The following NCOR2 variants were observed in gnomAD, a reference collection of about 807,000 sequenced individuals.
NCOR2 encodes the protein CTG repeat protein 26.
NCOR2 carries 81 observed loss-of-function variants against 262.9 expected under a neutral mutation model. The observed-to-expected ratio is 0.31, with a 90% confidence interval of 0.26 to 0.37. The LOEUF (loss-of-function observed/expected upper bound fraction) is 0.37, where lower values mean the gene tolerates loss of function less well. Among genes scored for constraint, NCOR2 ranks in the 10% least tolerant of loss-of-function variants. The probability of loss-of-function intolerance (pLI) is 1.00; values close to 1 mark genes in which losing one functional copy is unlikely to be tolerated. For synonymous variants in NCOR2, 1,659 were observed against 1,559.3 expected, an observed-to-expected ratio of 1.06 and a Z score of -1.51; for missense variants, 3,385 against 3,621.4, an observed-to-expected ratio of 0.93 and a Z score of 1.68.
rs2044949988 is a variant in NCOR2 at position 124,443,409 on chromosome 12, T to TC, written c.816-5414dup. On this transcript the variant is annotated intron_variant, in intron 7 of 46. Transcript: ENST00000405201. This position sits in a 1 kb window ranked among gnomAD's most constrained non-coding sequence, Gnocchi z 4.4. Reference sequence around the variant, plus strand: ...GACACGTCAAGTCTGCAAACACATGTCAAGTCCGCAGGGTGCAAACTGCAC... The same window carrying TC: ...GACACGTCAAGTCTGCAAACACATGTCCAAGTCCGCAGGGTGCAAACTGCAC... Among the ~76,000 whole-genome samples the TC allele has an allele frequency of 6.6e-6, 1 of 152,182 alleles. No individual in the cohort carries two copies. Among genetic ancestry groups the TC allele is most frequent in the South Asian group, 2.1e-4 (1 of 4,832 alleles).
intron 12 of NCOR2, 63 bp downstream of exon 14, chr12:124,422,438 T>C (rs960630489): frequency 2.1e-5 from 33 of 1,596,684 alleles, no homozygotes; most frequent in Non-Finnish European, 2.6e-5. Flanking sequence ...GCCTCCACCC[T>C]GAGTCCACGC....
chr12:124,400,805 AG>A (rs1265948692), intron 14 of NCOR2, 132 bp from the exon 17 acceptor site: 3 of 1,179,026 alleles, frequency 2.5e-6, no homozygotes, highest in Non-Finnish European at 3.6e-6. Flanking sequence ...GCTAGGAAAG[AG>A]GGGGAGAGGC....
chr12:124,448,747 T>C (rs2136491236), intron 7 of NCOR2, among the ~76,000 whole-genome samples: 1 of 152,308 alleles, frequency 6.6e-6, no homozygotes, highest in East Asian at 1.9e-4. Flanking sequence ...CCAGCAGATG[T>C]GTGAAAACAC....
chr12:124,501,893 C>CAGTAATAAATATTT (rs2048758134), intron 1 of NCOR2, among the ~76,000 whole-genome samples: 1 of 152,158 alleles, frequency 6.6e-6, no homozygotes, highest in East Asian at 1.9e-4. Flanking sequence ...TAAACAAAAC[C>CAGTAATAAATATTT]ACTGCAGCCA....
chr12:124,436,170 A>G (rs1391780681), intron 8 of NCOR2, among the ~76,000 whole-genome samples: 3 of 152,300 alleles, frequency 2.0e-5, no homozygotes, highest in Middle Eastern at 6.8e-3. Flanking sequence ...TGGATCAGCT[A>G]ACACCCTGTC....
chr12:124,441,611 T>G (rs553679062), intron 7 of NCOR2, among the ~76,000 whole-genome samples: 1 of 152,262 alleles, frequency 6.6e-6, no homozygotes, highest in Admixed American at 6.5e-5. Flanking sequence ...AACAGGAAAT[T>G]TGCACAGTCT....
At chr12:124,372,291 G>T (rs532518067) in exon 20 of NCOR2, 12 of 1,543,262 alleles carry the variant, frequency 7.8e-6, no homozygotes, top group Non-Finnish European at 9.6e-6. Flanking sequence ...CCTCAGCCGC[G>T]GGGGGCTTCT....
rs945308560 is a variant in NCOR2 at position 124,415,490 on chromosome 12, C to T, written c.1482+4467G>A. 3.3e-5 allele frequency among the ~76,000 whole-genome samples: 5 copies of T among 152,390 alleles called. No homozygotes were observed. The South Asian group carries it at 6.2e-4, about 19-fold the overall frequency. On this transcript the variant is annotated intron_variant, in intron 13 of 46. Coordinates refer to ENST00000405201, the Ensembl canonical transcript of NCOR2. ...AGCACTTGAGAACCCCTGTTTACCC[C>T]GTGGTTGTGAACCAGGCCTGTGGGG...
At chr12:124,533,354 C>T (rs565302969) in intron 1 of NCOR2, among the ~76,000 whole-genome samples, 11 of 152,170 alleles carry the variant, frequency 7.2e-5, no homozygotes, top group East Asian at 1.9e-4. Context: ...CAGCCTGGGT[C>T]ACCCTTCCCC....
intron 31 of NCOR2, among the ~76,000 whole-genome samples, chr12:124,345,174 G>C (rs1261068577): frequency 6.6e-6 from 1 of 152,146 alleles, no homozygotes; most frequent in Non-Finnish European, 1.5e-5. Flanking sequence ...ACGCTCCCTG[G>C]GGGGACTGCA....
intron 31 of NCOR2, among the ~76,000 whole-genome samples, chr12:124,345,702 T>C (rs561154571): frequency 4.5e-4 from 69 of 152,334 alleles, no homozygotes; most frequent in African/African-American, 1.0e-3. Flanking sequence ...GACTCCATAA[T>C]TGCCTAGGGG....
chr12:124,402,407 A>T lies in NCOR2; in HGVS notation c.1637T>A (p.Leu546His), dbSNP rs771810282. 9 of 1,613,920 alleles carry T rather than the reference A, an allele frequency of 5.6e-6. 1 individual carries two copies. In the Admixed American group the frequency reaches 1.5e-4, roughly 27 times the overall value. The change falls in exon 14 of 47, where the codon CTC becomes CAC. Residue 546 changes from leucine to histidine, a missense_variant. Around this residue, in one of 5 missense-constraint regions of NCOR2, gnomAD observed 515 missense variants for 781.2 expected, o/e 0.66. Coordinates refer to ENST00000405201, the Ensembl canonical transcript of NCOR2. Reference sequence around the variant, plus strand: ...AGGGGACAGCAGGCTGCCTTACTTGAGGAGGTCTTCCTTGTCGTTCTCCAC... The same window carrying T: ...AGGGGACAGCAGGCTGCCTTACTTGTGGAGGTCTTCCTTGTCGTTCTCCAC...
intron 1 of NCOR2, among the ~76,000 whole-genome samples, chr12:124,501,228 G>T (rs1305698115): frequency 6.6e-6 from 1 of 152,008 alleles, no homozygotes; most frequent in South Asian, 2.1e-4. Flanking sequence ...GCGAAGACAG[G>T]CAGGCCCCAG....
upstream of NCOR2, among the ~76,000 whole-genome samples, chr12:124,537,046 G>A (rs2051135183): frequency 6.6e-6 from 1 of 152,200 alleles, no homozygotes; most frequent in African/African-American, 2.4e-5. Context: ...CAAGGCTGCA[G>A]ACTCTATGGT....
At chr12:124,528,431 G>GC (rs1371670953) in intron 1 of NCOR2, among the ~76,000 whole-genome samples, 1 of 152,114 alleles carries the variant, frequency 6.6e-6, no homozygotes. Flanking sequence ...GGAGAAGGAG[G>GC]CCCCCTCTTC....
intron 20 of NCOR2, among the ~76,000 whole-genome samples, chr12:124,368,125 G>A (rs558730448): frequency 2.8e-4 from 43 of 152,212 alleles, no homozygotes; most frequent in Non-Finnish European, 5.9e-4. Flanking sequence ...ACTGTGCCTC[G>A]GTTTCTCAAT....
chr12:124,394,022 G>A (rs1008980346), intron 16 of NCOR2, among the ~76,000 whole-genome samples: 1 of 152,234 alleles, frequency 6.6e-6, no homozygotes, highest in African/African-American at 2.4e-5. Flanking sequence ...ACTTACCTCC[G>A]ACCCCCATCG....
intron 28 of NCOR2, among the ~76,000 whole-genome samples, chr12:124,349,984 G>T (rs946135673): frequency 6.6e-6 from 1 of 152,210 alleles, no homozygotes; most frequent in Non-Finnish European, 1.5e-5. Flanking sequence ...TGCGGGCACA[G>T]GCGGAAGTGG....
chr12:124,521,629 G>A (rs542015954), intron 1 of NCOR2, among the ~76,000 whole-genome samples: 7 of 152,308 alleles, frequency 4.6e-5, no homozygotes, highest in African/African-American at 1.4e-4. Context: ...TGACCCCACC[G>A]GTACAGGGTT....
Sources: gnomAD v4.1 joint callset for allele counts (sites outside exome capture counted in the v4.1 genomes callset) on GRCh38, gnomAD v4.1.1 for gene constraint, gnomAD v4.1.1 regional missense constraint, Gnocchi (gnomAD v3.1) non-coding constraint, MANE v1.5 for transcripts, NCBI Gene and HGNC (gene_info 2026-07-23, HGNC 2026-07-21) for gene names.